Variants in MRPL37 observed in about 807,000 individuals in gnomAD.
MRPL37 encodes the protein large ribosomal subunit protein mL37.
Under a neutral mutation model 44.1 loss-of-function variants are expected in MRPL37, and 34 were observed. The ratio of observed to expected loss-of-function variants is 0.77; its 90% CI spans 0.59 to 1.03. The LOEUF (loss-of-function observed/expected upper bound fraction) is 1.03. Ranked by LOEUF, MRPL37 falls within the 50% of genes least tolerant of loss-of-function variation. The probability of loss-of-function intolerance (pLI) is 0.00; values close to 1 mark genes in which losing one functional copy is unlikely to be tolerated. For missense variants in MRPL37, 532 were observed against 543.7 expected (o/e 0.98, Z 0.21); for synonymous variants, 212 against 219.5 (o/e 0.97, Z 0.30).
Position 54,212,588 on chromosome 1 carries a change from A to G in MRPL37, c.920A>G (p.Asp307Gly). The G allele has an allele frequency of 6.2e-7, 1 of 1,614,210 alleles. No individual in the cohort carries two copies. The highest frequency in any genetic ancestry group is 1.1e-5 in the South Asian group (1 of 91,084). The change falls in exon 5 of 7, where the codon GAT becomes GGT. Residue 307 changes from aspartate (D) to glycine (G), a missense_variant. Transcript: ENST00000360840. ...TTACGACCACACCGCCTTCAACCAGATCAGCTGCGGGCCAAGATGATCCTG... is the reference window on the plus strand; with the variant it reads ...TTACGACCACACCGCCTTCAACCAGGTCAGCTGCGGGCCAAGATGATCCTG... Reference protein sequence around the residue: ...ANLRPHRLQPDQLRAKMILFA... With the variant: ...ANLRPHRLQPGQLRAKMILFA...
In MRPL37 at chr1:54,205,184, CAA is replaced by C. The variant is rs752853617; in HGVS notation, c.514_515del (p.Lys172GlufsTer17). The C allele has an allele frequency of 1.2e-6, 2 of 1,613,584 alleles. No individual in the cohort carries two copies. The highest frequency in any genetic ancestry group is 1.1e-5 in the South Asian group (1 of 91,042). ...TCTGGCAGACCACTGAGGAAATCCC[CAA>C]GAGAGAGACCTACTGGTAAGTTCCC... ...RLWQTTEEIP[K>X]RETYCPVIVD... On this transcript the variant is annotated frameshift_variant, in exon 2 of 7. Coordinates refer to ENST00000360840, the MANE Select transcript of MRPL37 (RefSeq NM_016491.4). LOFTEE classifies it high-confidence loss of function.
At chr1:54,222,374 C>T (rs560165516), downstream of MRPL37, among the ~76,000 whole-genome samples, 1 of 152,252 alleles carries the variant, frequency 6.6e-6, no homozygotes, top group African/African-American at 2.4e-5. Context: ...CAGACATCCA[C>T]AGAGTACTGC....
At chr1:54,221,991 A>G (rs1339075606), downstream of MRPL37, among the ~76,000 whole-genome samples, 1 of 152,112 alleles carries the variant, frequency 6.6e-6, no homozygotes, top group African/African-American at 2.4e-5. Flanking sequence ...GGTACCCACA[A>G]AGGCCACCTC....
downstream of MRPL37, among the ~76,000 whole-genome samples, chr1:54,222,922 G>A (rs1260347896): frequency 6.6e-6 from 1 of 152,150 alleles, no homozygotes; most frequent in Non-Finnish European, 1.5e-5. Context: ...ACAACCCCTG[G>A]CATAAAAGGG....
At chr1:54,221,373 G>T (rs775327156), downstream of MRPL37, among the ~76,000 whole-genome samples, 3 of 152,104 alleles carry the variant, frequency 2.0e-5, no homozygotes, top group African/African-American at 7.2e-5. Flanking sequence ...CAGGTGACCC[G>T]ATTGTCTTGA....
At chr1:54,217,848 A>G (rs1167648875) in intron 6 of MRPL37, among the ~76,000 whole-genome samples, 1 of 152,132 alleles carries the variant, frequency 6.6e-6, no homozygotes, top group Non-Finnish European at 1.5e-5. Context: ...TGCCCAATAA[A>G]TGTGTGTGGA....
chr1:54,216,241 T>C lies in MRPL37; in HGVS notation c.1091T>C (p.Leu364Pro). ...GTGTTTCAACTGAATACCACAGACC[T>C]GGACTGTAACGAGGGTGTCAAGAAT... ...FLVFQLNTTD[L>P]DCNEGVKNLA... Residue 364 changes from leucine to proline, a missense_variant, in exon 6 of 7, where the codon CTG (leucine) becomes CCG (proline). Coordinates refer to ENST00000360840, the MANE Select transcript of MRPL37 (RefSeq NM_016491.4). 6.2e-7 allele frequency: 1 copy of C among 1,614,232 alleles called. No homozygotes were observed. The highest frequency in any genetic ancestry group is 8.5e-7 in the Non-Finnish European group (1 of 1,180,042).
intron 3 of MRPL37, among the ~76,000 whole-genome samples, chr1:54,208,526 G>A (rs1285045164): frequency 1.2e-4 from 15 of 126,930 alleles, no homozygotes; most frequent in Non-Finnish European, 2.2e-4. Context: ...TCCAGCCTGG[G>A]CGACAGAGCA....
In MRPL37 at chr1:54,200,415, A is replaced by G; in HGVS notation, c.172A>G (p.Ile58Val). The change falls in exon 1 of 7, where the codon ATC (isoleucine) becomes GTC (valine). Residue 58 changes from isoleucine to valine, a missense_variant. By Grantham distance (29) the Ile-to-Val change is conservative. Transcript: ENST00000360840. Reference sequence around the variant, plus strand: ...GTACGAGATCCCTGGACTGGAGCCCATCACCTTTGCGGGGAAGATGCACTT... The same window carrying G: ...GTACGAGATCCCTGGACTGGAGCCCGTCACCTTTGCGGGGAAGATGCACTT... Reference protein sequence around the residue: ...RVYEIPGLEPITFAGKMHFVP... With the variant: ...RVYEIPGLEPVTFAGKMHFVP... 1.2e-6 allele frequency: 2 copies of G among 1,614,206 alleles called. No homozygotes were observed. The highest frequency in any genetic ancestry group is 1.1e-5 in the South Asian group (1 of 91,090).
chr1:54,200,405 A>G lies in MRPL37; in HGVS notation c.162A>G (p.Gly54=). 6.2e-7 allele frequency: 1 copy of G among 1,614,132 alleles called. No individual in the cohort carries two copies. The highest frequency in any genetic ancestry group is 8.5e-7 in the Non-Finnish European group (1 of 1,180,028). The change falls in exon 1 of 7, where the codon GGA becomes GGG. Residue 54 remains glycine, a synonymous_variant. Transcript: ENST00000360840. ...PPLDRVYEIP[G]LEPITFAGKM... is the part of the protein sequence containing the mutation. The stretch of plus-strand genomic sequence containing the variant: ...TGGATAGGGTGTACGAGATCCCTGG[A>G]CTGGAGCCCATCACCTTTGCGGGGA...
At chr1:54,216,092 T>C (rs755280864) in intron 5 of MRPL37, 49 bp from the exon 6 acceptor site, 1 of 1,605,104 alleles carries the variant, frequency 6.2e-7, no homozygotes, top group Non-Finnish European at 8.5e-7. Flanking sequence ...TGCTGTTCCT[T>C]ACACTCCACA....
intron 6 of MRPL37, among the ~76,000 whole-genome samples, chr1:54,217,634 C>G (rs1302754575): frequency 1.3e-5 from 2 of 152,224 alleles, no homozygotes; most frequent in Non-Finnish European, 2.9e-5. Context: ...CCCCATTCTG[C>G]TCACCCTTCC....
Position 54,205,374 on chromosome 1 carries a change from G to A in MRPL37, c.610G>A (p.Val204Ile), listed in dbSNP as rs775524972. ...TCCTTCTCTGGCCAGGAGGATCTGT[G>A]TCCAAAACTCCACGTTTTCTGCTAC... ...KHPSLARRIC[V>I]QNSTFSATWN... The change falls in exon 3 of 7, where the codon GTC (valine) becomes ATC (isoleucine). Residue 204 changes from valine (V) to isoleucine (I), a missense_variant. Val to Ile is a conservative substitution (Grantham distance 29, BLOSUM62 3). Transcript: ENST00000360840. 3.7e-6 allele frequency: 6 copies of A among 1,614,092 alleles called. No individual in the cohort carries two copies. Among genetic ancestry groups the A allele is most frequent in the Non-Finnish European group, 5.1e-6 (6 of 1,180,006 alleles).
rs575902161 is a variant in MRPL37, at chr1:54,214,866, G to A, written c.991-1275G>A. Among the ~76,000 whole-genome samples, 35 of 152,292 alleles carry A rather than the reference G, an allele frequency of 2.3e-4. No homozygotes were observed. The South Asian group carries it at 5.2e-3, about 23-fold the overall frequency. The stretch of plus-strand genomic sequence containing the variant: ...AGATAAGAGTCAATACAGAATTCTC[G>A]GCTAACACTTACAGGTACTTTTCTT... On this transcript the variant is annotated intron_variant, in intron 5 of 6. Coordinates refer to ENST00000360840, the MANE Select transcript of MRPL37 (RefSeq NM_016491.4).
chr1:54,215,935 A>G (rs1249528879), intron 5 of MRPL37, among the ~76,000 whole-genome samples: 1 of 152,210 alleles, frequency 6.6e-6, no homozygotes, highest in Non-Finnish European at 1.5e-5. Flanking sequence ...CCCTGGGGCC[A>G]TGAGGCACAG....
rs760014966 is a variant in MRPL37, at chr1:54,200,274, G to C, written c.31G>C (p.Ala11Pro). The change falls in exon 1 of 7, where the codon GCG becomes CCG. Residue 11 changes from alanine to proline, a missense_variant. Ala to Pro is a conservative substitution (Grantham distance 27). Transcript: ENST00000360840. MALASGPARRALAGSGQLGLG... is the reference protein window; with the variant it reads MALASGPARRPLAGSGQLGLG... ...ATTGGCGTCCGGGCCCGCAAGGCGGGCGCTAGCTGGCTCCGGGCAGCTCGG... is the reference window on the plus strand; with the variant it reads ...ATTGGCGTCCGGGCCCGCAAGGCGGCCGCTAGCTGGCTCCGGGCAGCTCGG... The C allele has an allele frequency of 6.2e-7, 1 of 1,601,010 alleles. No homozygotes were observed. The highest frequency in any genetic ancestry group is 1.1e-5 in the South Asian group (1 of 90,218).
intron 5 of MRPL37, among the ~76,000 whole-genome samples, chr1:54,213,559 TA>T (rs112421277): frequency 0.016 from 2,421 of 148,292 alleles, 63 homozygotes; most frequent in African/African-American, 0.056. Context: ...GGGTTTTTAT[TA>T]AAAAAAAAAA....
intron 1 of MRPL37, among the ~76,000 whole-genome samples, chr1:54,204,382 C>T (rs1220469406): frequency 1.3e-5 from 2 of 150,082 alleles, no homozygotes; most frequent in Non-Finnish European, 3.0e-5. Flanking sequence ...GGCGACAGAG[C>T]GAGACTTTGT....
downstream of MRPL37, among the ~76,000 whole-genome samples, chr1:54,222,371 C>A (rs937097177): frequency 6.6e-6 from 1 of 152,144 alleles, no homozygotes; most frequent in African/African-American, 2.4e-5. Flanking sequence ...GGGCAGACAT[C>A]CACAGAGTAC....
Sources: gnomAD v4.1 joint callset for allele counts (sites outside exome capture counted in the v4.1 genomes callset) on GRCh38, gnomAD v4.1.1 for gene constraint, MANE v1.5 for transcripts, NCBI Gene and HGNC (gene_info 2026-07-23, HGNC 2026-07-21) for gene names.